RPH3AL: variants seen among roughly 807,000 people sequenced by gnomAD.
The protein encoded by RPH3AL is rab effector Noc2.
RPH3AL carries 38 observed loss-of-function variants against 43.1 expected under a neutral mutation model. The observed-to-expected ratio is 0.88, with a 90% CI of 0.68 to 1.15. RPH3AL has a LOEUF of 1.15. Among genes scored for constraint, RPH3AL ranks in the 50% most tolerant of loss-of-function variants. The pLI is 0.00. For missense variants in RPH3AL, 462 were observed against 423.2 expected (o/e 1.09, Z -0.81); for synonymous variants, 189 against 176.3 (o/e 1.07, Z -0.57).
chr17:328,366 G>T lies in RPH3AL; in HGVS notation c.-36-787C>A, dbSNP rs2044667581. On this transcript the variant is annotated intron_variant, in intron 2 of 9. Coordinates refer to ENST00000331302, the MANE Select transcript of RPH3AL (RefSeq NM_006987.4). This position sits in a 1 kb window ranked among gnomAD's most constrained non-coding sequence, Gnocchi z 4.2. ...TGAGGCCGAGGGTATCTGAATCCCA[G>T]AGCAAGGAGGAGGGGCTCTCCTGAG... Among the ~76,000 whole-genome samples, 1 of 151,894 alleles carries T rather than the reference G, an allele frequency of 6.6e-6. No individual in the cohort carries two copies. The highest frequency in any genetic ancestry group is 2.4e-5 in the African/African-American group (1 of 41,312).
chr17:286,484 C>T (rs1598015363), intron 5 of RPH3AL, among the ~76,000 whole-genome samples: 1 of 152,316 alleles, frequency 6.6e-6, no homozygotes, highest in African/African-American at 2.4e-5. Flanking sequence ...GGAAAGACGA[C>T]ACGCTCCCAC....
chr17:307,243 TCCTCCCCAC>T (rs1431587130), intron 5 of RPH3AL, among the ~76,000 whole-genome samples: 3 of 93,606 alleles, frequency 3.2e-5, no homozygotes, highest in Non-Finnish European at 6.2e-5. Flanking sequence ...CCACGGCAGG[TCCTCCCCAC>T]GGCAGGTCCA....
At chr17:280,643 C>T (rs2042758098) in intron 6 of RPH3AL, among the ~76,000 whole-genome samples, 1 of 152,282 alleles carries the variant, frequency 6.6e-6, no homozygotes, top group Non-Finnish European at 1.5e-5. Flanking sequence ...AAAACTAACC[C>T]TAAGAAAGAC....
rs1300626787 is a variant in RPH3AL at position 352,762 on chromosome 17, C to G, written c.-263G>C. The G allele has an allele frequency of 6.6e-6, 1 of 152,194 alleles. No homozygotes were observed. The highest frequency in any genetic ancestry group is 6.5e-5 in the Admixed American group (1 of 15,276). 9.4% of individuals were successfully genotyped at this position (152,194 alleles called of 1,614,324 possible). ...CAGGCCCCACCAGGGAGGAGGAGGC[C>G]GCTCTCCCTCCCACCACCGTTGTCG... On this transcript the variant is annotated 5_prime_UTR_variant, in exon 1 of 10. Coordinates refer to ENST00000331302, the MANE Select transcript of RPH3AL (RefSeq NM_006987.4).
intron 7 of RPH3AL, among the ~76,000 whole-genome samples, chr17:242,371 CCTTCCTCTATTGACTA>C (rs1555537412): frequency 5.8e-4 from 11 of 18,980 alleles, no homozygotes; most frequent in East Asian, 1.7e-3. Context: ...CTATTGACTA[CCTTCCTCTATTGACTA>C]CCTTCCTCTA....
intron 6 of RPH3AL, among the ~76,000 whole-genome samples, chr17:252,489 C>A (rs985596908): frequency 6.6e-6 from 1 of 152,052 alleles, no homozygotes; most frequent in East Asian, 1.9e-4. Context: ...CAACCTGTTC[C>A]CACCCTGTCC....
intron 5 of RPH3AL, among the ~76,000 whole-genome samples, chr17:304,502 T>A (rs1567630532): frequency 6.6e-6 from 1 of 152,286 alleles, no homozygotes; most frequent in East Asian, 1.9e-4. Flanking sequence ...CTCAAACAAC[T>A]GAGGCACTGA....
At chr17:299,722 C>T (rs1029978875) in intron 5 of RPH3AL, among the ~76,000 whole-genome samples, 23 of 152,216 alleles carry the variant, frequency 1.5e-4, no homozygotes, top group African/African-American at 2.2e-4. Flanking sequence ...CACGGGGCCG[C>T]GCCGGACTGC....
In RPH3AL at chr17:245,586, G is replaced by A. The variant is rs1485757201; in HGVS notation, c.613+1525C>T. Reference sequence around the variant, plus strand: ...GCCTTCAGCCTCTCCGGCTCAACTGGCTCCAAGCAGCATTTTAAACCCACA... The same window carrying A: ...GCCTTCAGCCTCTCCGGCTCAACTGACTCCAAGCAGCATTTTAAACCCACA... On this transcript the variant is annotated intron_variant, in intron 7 of 9. Transcript: ENST00000331302. The surrounding 1 kb of genome is among the most constrained non-coding windows in gnomAD (Gnocchi z 5.9). Among the ~76,000 whole-genome samples, 2 of 152,194 alleles carry A rather than the reference G, an allele frequency of 1.3e-5. No individual in the cohort carries two copies. Among genetic ancestry groups the A allele is most frequent in the South Asian group, 2.1e-4 (1 of 4,818 alleles).
chr17:277,006 C>A (rs1219093234), intron 6 of RPH3AL, among the ~76,000 whole-genome samples: 2 of 151,890 alleles, frequency 1.3e-5, no homozygotes, highest in Non-Finnish European at 2.9e-5. Flanking sequence ...AAATTACAGA[C>A]CAGCTAATTA....
At chr17:270,389 G>T (rs2151586601) in intron 6 of RPH3AL, among the ~76,000 whole-genome samples, 1 of 152,346 alleles carries the variant, frequency 6.6e-6, no homozygotes, top group East Asian at 1.9e-4. Context: ...GGCTCGGCTA[G>T]CACGGCCAGT....
chr17:321,963 G>A (rs979970006), intron 3 of RPH3AL, among the ~76,000 whole-genome samples: 7 of 152,242 alleles, frequency 4.6e-5, no homozygotes, highest in Admixed American at 2.6e-4. Context: ...AAGGGAGCTC[G>A]GAGCTCCGTA....
intron 7 of RPH3AL, among the ~76,000 whole-genome samples, chr17:230,512 G>C (rs2041207170): frequency 6.6e-6 from 1 of 152,156 alleles, no homozygotes; most frequent in South Asian, 2.1e-4. Flanking sequence ...GGTGTGCCAG[G>C]CATCCTGGAC....
intron 5 of RPH3AL, among the ~76,000 whole-genome samples, chr17:293,404 C>G (rs1200766210): frequency 1.3e-5 from 2 of 151,522 alleles, no homozygotes; most frequent in East Asian, 3.9e-4. Context: ...ACTCGTGCCT[C>G]TGCGAGTGTC....
At position 247,724 on chromosome 17, in the gene RPH3AL, T is replaced by A. The variant is rs531805132; in HGVS notation, c.439-439A>T. ...CAATATGGGCCTGGCATGTGAGACA[T>A]GTTTATGAAAACCGTCCTCTGTTAC... On this transcript the variant is annotated intron_variant, in intron 6 of 9. Transcript: ENST00000331302. 4.3e-5 allele frequency: 7 copies of A among 163,326 alleles called. 1 individual carries two copies. Among genetic ancestry groups the A allele is most frequent in the African/African-American group, 1.7e-4 (7 of 41,864 alleles). The allele number at this position is 163,326 out of a possible 1,614,324, so 10.1% of individuals were successfully genotyped here.
rs568035460 is a variant in RPH3AL, at chr17:225,612, G to C, written c.614-5876C>G. Among the ~76,000 whole-genome samples the C allele has an allele frequency of 6.6e-6, 1 of 152,320 alleles. No homozygotes were observed. The highest frequency in any genetic ancestry group is 6.5e-5 in the Admixed American group (1 of 15,308). On this transcript the variant is annotated intron_variant, in intron 7 of 9. Transcript: ENST00000331302. The surrounding 1 kb of genome is among the most constrained non-coding windows in gnomAD (Gnocchi z 4.4). ...GGCTCACACTTCCCGGGAGCAGGGA[G>C]GTGTCCAGCAGGAGGACAGTCCTGC...
Position 247,173 on chromosome 17 carries a change from G to T in RPH3AL, c.551C>A (p.Pro184Gln). 1 of 1,614,104 alleles carries T rather than the reference G, an allele frequency of 6.2e-7. No individual in the cohort carries two copies. The highest frequency in any genetic ancestry group is 8.5e-7 in the Non-Finnish European group (1 of 1,179,986). The change falls in exon 7 of 10, where the codon CCG becomes CAG. Residue 184 changes from proline to glutamine, a missense_variant. Physicochemically the swap from Pro to Gln is moderately conservative, Grantham distance 76 (BLOSUM62 -1). Coordinates refer to ENST00000331302, the MANE Select transcript of RPH3AL (RefSeq NM_006987.4). ...DPHFRPLPTE[P>Q]AEREPRSSET... ...AGAGCTTCTGGGCTCTCGCTCTGCC[G>T]GTTCCGTGGGCAAAGGTCGGAAGTG...
chr17:259,962 G>A (rs2042162082), intron 6 of RPH3AL, among the ~76,000 whole-genome samples: 2 of 152,192 alleles, frequency 1.3e-5, no homozygotes, highest in African/African-American at 4.8e-5. Context: ...GAAAGAAGGG[G>A]AGTCTCACAG....
At chr17:310,942 C>A (rs745766972) in intron 5 of RPH3AL, among the ~76,000 whole-genome samples, 6 of 152,140 alleles carry the variant, frequency 3.9e-5, no homozygotes, top group Non-Finnish European at 7.4e-5. Context: ...AGTGCCTCTG[C>A]GATCATCTCC....
Sources: gnomAD v4.1 joint callset for allele counts (sites outside exome capture counted in the v4.1 genomes callset) on GRCh38, gnomAD v4.1.1 for gene constraint, Gnocchi (gnomAD v3.1) non-coding constraint, MANE v1.5 for transcripts, NCBI Gene and HGNC (gene_info 2026-07-23, HGNC 2026-07-21) for gene names.